CHMP3: variants seen among roughly 807,000 people sequenced by gnomAD.
The protein encoded by CHMP3 is 25.1 protein.
Under a neutral mutation model 27.4 loss-of-function variants are expected in CHMP3, and 8 were observed. The ratio of observed to expected loss-of-function variants is 0.29; its 90% CI spans 0.17 to 0.53. CHMP3 has a LOEUF of 0.53. CHMP3 is among the 20% of genes least tolerant of loss of function. CHMP3 has a pLI of 0.96. For synonymous variants in CHMP3, 86 were observed against 85.5 expected, an observed-to-expected ratio of 1.01 and a Z score of -0.03; for missense variants, 208 against 271.5, an observed-to-expected ratio of 0.77 and a Z score of 1.64.
At chr2:86,562,856 G>A (rs961216642) in intron 1 of CHMP3, 1 of 158,598 alleles carries the variant, frequency 6.3e-6, no homozygotes, top group Non-Finnish European at 1.4e-5. Flanking sequence ...GGAGGACGGA[G>A]AACAGACGGC....
At chr2:86,514,583 A>G (rs1412849319) in intron 3 of CHMP3, among the ~76,000 whole-genome samples, 2 of 152,208 alleles carry the variant, frequency 1.3e-5, no homozygotes, top group Non-Finnish European at 2.9e-5. Context: ...CTAAAATATA[A>G]ATGGCATCAG....
chr2:86,506,524 T>G (rs28688565), intron 5 of CHMP3, among the ~76,000 whole-genome samples: 194 of 152,296 alleles, frequency 1.3e-3, no homozygotes, highest in African/African-American at 4.5e-3. Flanking sequence ...CATCATTCCA[T>G]GTTAACGAGT....
At chr2:86,524,603 T>C (rs1286642990) in intron 3 of CHMP3, among the ~76,000 whole-genome samples, 5 of 152,188 alleles carry the variant, frequency 3.3e-5, no homozygotes, top group Non-Finnish European at 7.3e-5. Flanking sequence ...TATATGCAAA[T>C]ACTACCTCAT....
chr2:86,517,194 T>C (rs552829357), intron 3 of CHMP3, among the ~76,000 whole-genome samples: 111 of 152,322 alleles, frequency 7.3e-4, no homozygotes, highest in South Asian at 3.9e-3. Flanking sequence ...AAGGATATTG[T>C]ATGCATAAAA....
At chr2:86,549,171 C>CCT (rs1210817744) in intron 1 of CHMP3, among the ~76,000 whole-genome samples, 6 of 114,386 alleles carry the variant, frequency 5.2e-5, no homozygotes, top group South Asian at 2.8e-4. Flanking sequence ...GCAGAGGCGC[C>CCT]CACTTCCCAG....
At chr2:86,546,846 G>C (rs879503210) in intron 1 of CHMP3, among the ~76,000 whole-genome samples, 43 of 152,260 alleles carry the variant, frequency 2.8e-4, no homozygotes, top group Admixed American at 2.8e-3. Flanking sequence ...TGTTTGTTGG[G>C]TTGTATGAGT....
At chr2:86,510,504 G>A (rs1224888159) in intron 3 of CHMP3, 25 bp from the exon 4 acceptor site, 3 of 1,608,428 alleles carry the variant, frequency 1.9e-6, no homozygotes, top group Non-Finnish European at 8.5e-7. Flanking sequence ...GTACAGTCAG[G>A]ATTGTTCAAC....
intron 3 of CHMP3, chr2:86,512,624 A>G (rs528585401): frequency 3.9e-5 from 6 of 152,224 alleles, no homozygotes; most frequent in Non-Finnish European, 8.8e-5. Flanking sequence ...TGCAAAAGAC[A>G]TATCTGATAA....
intron 3 of CHMP3, among the ~76,000 whole-genome samples, chr2:86,517,386 G>A (rs1404444227): frequency 6.6e-6 from 1 of 151,846 alleles, no homozygotes; most frequent in Non-Finnish European, 1.5e-5. Context: ...CTAACACAGT[G>A]AAACCTGGTC....
intron 1 of CHMP3, among the ~76,000 whole-genome samples, chr2:86,559,922 A>C (rs1365326978): frequency 6.6e-6 from 1 of 152,202 alleles, no homozygotes; most frequent in Non-Finnish European, 1.5e-5. Flanking sequence ...GTACTGTATT[A>C]GTCGGTTCTT....
At chr2:86,549,228 CCGGG>C (rs1340546235) in intron 1 of CHMP3, among the ~76,000 whole-genome samples, 2 of 147,336 alleles carry the variant, frequency 1.4e-5, no homozygotes, top group Non-Finnish European at 3.0e-5. Context: ...GACAGGGCGG[CCGGG>C]CAGAGGCGCT....
intron 1 of CHMP3, among the ~76,000 whole-genome samples, chr2:86,553,578 C>A (rs1227771640): frequency 6.6e-6 from 1 of 152,188 alleles, no homozygotes; most frequent in Non-Finnish European, 1.5e-5. Context: ...GTTCCACCCG[C>A]CTCGGCCTCC....
In CHMP3 at chr2:86,544,902, G is replaced by A. The variant is rs574139583; in HGVS notation, c.46-2590C>T. On this transcript the variant is annotated intron_variant, in intron 1 of 5. Coordinates refer to ENST00000263856, the MANE Select transcript of CHMP3 (RefSeq NM_016079.4). The stretch of plus-strand genomic sequence containing the variant: ...CCAGACGGGGCGACCGGGCAGAGGC[G>A]CTCCTCACTTCCCAGACGGGGCAGC... 1.1e-3 allele frequency among the ~76,000 whole-genome samples: 162 copies of A among 151,438 alleles called. 2 individuals are homozygous for A. The highest frequency in any genetic ancestry group is 7.8e-3 in the South Asian group (37 of 4,752).
intron 3 of CHMP3, among the ~76,000 whole-genome samples, chr2:86,514,634 G>T (rs1235667265): frequency 6.6e-6 from 1 of 152,134 alleles, no homozygotes; most frequent in African/African-American, 2.4e-5. Context: ...TATGTTGAAT[G>T]CATAGAATGC....
intron 1 of CHMP3, among the ~76,000 whole-genome samples, chr2:86,556,735 T>G (rs910715958): frequency 2.6e-5 from 4 of 152,218 alleles, no homozygotes; most frequent in Admixed American, 2.6e-4. Context: ...ACATCTGTAC[T>G]GAATAAATAC....
At chr2:86,516,926 T>C (rs944731797) in intron 3 of CHMP3, among the ~76,000 whole-genome samples, 1 of 152,252 alleles carries the variant, frequency 6.6e-6, no homozygotes, top group African/African-American at 2.4e-5. Context: ...CTTGTATTTA[T>C]GGAAATGTTC....
intron 1 of CHMP3, among the ~76,000 whole-genome samples, chr2:86,561,044 G>A (rs990790859): frequency 1.3e-5 from 2 of 152,138 alleles, no homozygotes; most frequent in African/African-American, 2.4e-5. Flanking sequence ...GAGATTTGGC[G>A]GGGACACAGA....
rs201356480 is a variant in CHMP3, at chr2:86,548,662, C to T, written c.46-6350G>A. Among the ~76,000 whole-genome samples, 230 of 152,294 alleles carry T rather than the reference C, an allele frequency of 1.5e-3. 3 individuals are homozygous for T. The East Asian group carries it at 0.031, about 20-fold the overall frequency. ...TTCCCCCTTTTCTTTTCAACAAAAC[C>T]GCCATCGTCATCATGGCCTGTTCTC... On this transcript the variant is annotated intron_variant, in intron 1 of 5. Transcript: ENST00000263856.
chr2:86,562,833 T>C (rs1240212066), intron 1 of CHMP3: 1 of 155,022 alleles, frequency 6.5e-6, no homozygotes, highest in East Asian at 1.9e-4. Context: ...GAGCCTCTTT[T>C]TCAACACAAC....
Sources: allele counts gnomAD v4.1 joint callset (sites outside exome capture counted in the v4.1 genomes callset), GRCh38; gene constraint gnomAD v4.1.1; transcripts MANE v1.5; gene names NCBI Gene and HGNC (gene_info 2026-07-23, HGNC 2026-07-21).